DNAI1: variants seen among roughly 807,000 people sequenced by gnomAD.
DNAI1 encodes the protein dynein, axonemal, intermediate polypeptide 1.
A neutral mutation model predicts 92.0 loss-of-function variants in DNAI1; 67 were observed. The observed-to-expected ratio is 0.73, with a 90% CI of 0.60 to 0.89. The LOEUF (loss-of-function observed/expected upper bound fraction) is 0.89. DNAI1 is among the 40% of genes least tolerant of loss of function. The pLI is 0.00. For synonymous variants in DNAI1, 323 were observed against 319.6 expected, an observed-to-expected ratio of 1.01 and a Z score of -0.11; for missense variants, 839 against 866.6, an observed-to-expected ratio of 0.97 and a Z score of 0.40.
intron 18 of DNAI1, among the ~76,000 whole-genome samples, chr9:34,515,626 C>G (rs558890279): frequency 6.6e-6 from 1 of 152,340 alleles, no homozygotes; most frequent in East Asian, 1.9e-4. Flanking sequence ...AATATAGTCT[C>G]TCCTTGGGGA....
chr9:34,489,976 C>T (rs1824552087), intron 5 of DNAI1, 36 bp from the exon 6 acceptor site: 2 of 1,611,092 alleles, frequency 1.2e-6, no homozygotes, highest in Non-Finnish European at 1.7e-6. Context: ...GGAGAGCAGG[C>T]TTAGACTTTG....
chr9:34,512,415 C>T lies in DNAI1; in HGVS notation c.1480C>T (p.His494Tyr), dbSNP rs145995730. ...TTEVPEGLQL[H>Y]PVGCGTAFDF... is the part of the protein sequence containing the mutation. ...GGAAGTTCCTGAGGGGTTGCAGCTG[C>T]ACCCAGTGGGTAGGAGCCCCAGCCC... The change falls in exon 15 of 20, where the codon CAC becomes TAC. Residue 494 changes from histidine to tyrosine, a missense_variant. By Grantham distance (83) the His-to-Tyr change is moderately conservative. Coordinates refer to ENST00000242317, the MANE Select transcript of DNAI1 (RefSeq NM_012144.4). 1 of 1,614,042 alleles carries T rather than the reference C, an allele frequency of 6.2e-7. No homozygotes were observed. The highest frequency in any genetic ancestry group is 1.3e-5 in the African/African-American group (1 of 74,928).
intron 1 of DNAI1, among the ~76,000 whole-genome samples, chr9:34,467,739 C>T (rs537629696): frequency 6.6e-6 from 1 of 152,214 alleles, no homozygotes; most frequent in Non-Finnish European, 1.5e-5. Context: ...TGGACTTTCC[C>T]TCACACTGTA....
Position 34,497,137 on chromosome 9 carries a change from C to A in DNAI1, c.839C>A (p.Ser280Tyr). 6.2e-7 allele frequency: 1 copy of A among 1,614,054 alleles called. No individual in the cohort carries two copies. Among genetic ancestry groups the A allele is most frequent in the South Asian group, 1.1e-5 (1 of 91,076 alleles). Reference protein sequence around the residue: ...ESQTDDLIKLSQAAKIMERMV... With the variant: ...ESQTDDLIKLYQAAKIMERMV... ...CAGACTGATGATCTCATCAAATTGTCCCAAGCTGCTAAGATCATGGAGCGG... is the reference window on the plus strand; with the variant it reads ...CAGACTGATGATCTCATCAAATTGTACCAAGCTGCTAAGATCATGGAGCGG... Residue 280 changes from serine (S) to tyrosine (Y), a missense_variant, in exon 10 of 20, where the codon TCC becomes TAC. By Grantham distance (144) the Ser-to-Tyr change is moderately radical (BLOSUM62 -2). Coordinates refer to ENST00000242317, the MANE Select transcript of DNAI1 (RefSeq NM_012144.4).
At chr9:34,488,163 T>C in intron 4 of DNAI1, 1 of 256,788 alleles carries the variant, frequency 3.9e-6, no homozygotes, top group Non-Finnish European at 8.0e-6. Context: ...TTATTTTTAA[T>C]ACTTATAATT....
intron 1 of DNAI1, among the ~76,000 whole-genome samples, chr9:34,465,854 C>G (rs1278989183): frequency 6.6e-6 from 1 of 152,236 alleles, no homozygotes; most frequent in African/African-American, 2.4e-5. Context: ...TGAGCACTGA[C>G]AGAGTTGTAT....
In DNAI1 at chr9:34,459,163, C is replaced by T. The variant is rs1251720938; in HGVS notation, c.48+110C>T. 11 of 1,070,554 alleles carry T rather than the reference C, an allele frequency of 1.0e-5. No individual in the cohort carries two copies. In the South Asian group the frequency reaches 1.4e-4, roughly 14 times the overall value. The allele number at this position is 1,070,554 out of a possible 1,614,324, so 66.3% of individuals were successfully genotyped here. A position where few individuals can be genotyped will look rare whatever the true frequency, so the allele number is the denominator to read the frequency against. Reference sequence around the variant, plus strand: ...TGATCTTTTCTCTGTTGACCCCAGCCTTCTCACCCCCGTGACCTCTGGTAA... The same window carrying T: ...TGATCTTTTCTCTGTTGACCCCAGCTTTCTCACCCCCGTGACCTCTGGTAA... On this transcript the variant is annotated intron_variant, in intron 1 of 19. Coordinates refer to ENST00000242317, the MANE Select transcript of DNAI1 (RefSeq NM_012144.4).
At chr9:34,463,072 T>C (rs2132038345) in intron 1 of DNAI1, among the ~76,000 whole-genome samples, 1 of 152,158 alleles carries the variant, frequency 6.6e-6, no homozygotes, top group East Asian at 1.9e-4. Flanking sequence ...ATCATTTAAA[T>C]AGGATGGACA....
At chr9:34,517,985 TCTCCAATGATCAGGA>T (rs1825202939) in intron 19 of DNAI1, among the ~76,000 whole-genome samples, 1 of 151,984 alleles carries the variant, frequency 6.6e-6, no homozygotes, top group South Asian at 2.1e-4. Flanking sequence ...GTTTCTAGGG[TCTCCAATGATCAGGA>T]GACCCTGCCC....
intron 10 of DNAI1, among the ~76,000 whole-genome samples, chr9:34,498,238 T>C (rs1824763974): frequency 6.6e-6 from 1 of 152,222 alleles, no homozygotes; most frequent in African/African-American, 2.4e-5. Flanking sequence ...GTGTCAGGCA[T>C]TGTGCTATGC....
intron 1 of DNAI1, among the ~76,000 whole-genome samples, chr9:34,478,006 C>A (rs755262552): frequency 5.4e-5 from 8 of 149,514 alleles, no homozygotes; most frequent in Non-Finnish European, 1.2e-4. Context: ...CCTGCCTCAG[C>A]CACCTGAATA....
chr9:34,486,902 C>T (rs955849958), intron 4 of DNAI1, among the ~76,000 whole-genome samples: 2 of 152,220 alleles, frequency 1.3e-5, no homozygotes, highest in African/African-American at 4.8e-5. Flanking sequence ...ACTGGCTCGT[C>T]TCACTTAGCA....
chr9:34,501,839 C>T (rs1824837604), intron 12 of DNAI1, among the ~76,000 whole-genome samples: 1 of 152,210 alleles, frequency 6.6e-6, no homozygotes, highest in African/African-American at 2.4e-5. Context: ...GTGCCCGCCC[C>T]TGCCAGTTAC....
intron 19 of DNAI1, among the ~76,000 whole-genome samples, chr9:34,519,016 G>C (rs1261696979): frequency 6.6e-6 from 1 of 152,182 alleles, no homozygotes; most frequent in Non-Finnish European, 1.5e-5. Context: ...AGAAGGGTCA[G>C]TCATGGCTGG....
chr9:34,481,163 A>C (rs1056394263), intron 1 of DNAI1, among the ~76,000 whole-genome samples: 1 of 152,164 alleles, frequency 6.6e-6, no homozygotes, highest in African/African-American at 2.4e-5. Flanking sequence ...GAATCGCTTG[A>C]AACCAGAAGG....
At chr9:34,468,678 T>TG (rs1824084731) in intron 1 of DNAI1, among the ~76,000 whole-genome samples, 1 of 151,838 alleles carries the variant, frequency 6.6e-6, no homozygotes, top group African/African-American at 2.4e-5. Context: ...AATTTAAAAA[T>TG]TAGCCAGGCG....
At chr9:34,468,078 T>C (rs919503024) in intron 1 of DNAI1, among the ~76,000 whole-genome samples, 4 of 151,974 alleles carry the variant, frequency 2.6e-5, no homozygotes, top group Admixed American at 6.6e-5. Context: ...ATGGAAACAG[T>C]AGAAAAATAC....
intron 18 of DNAI1, among the ~76,000 whole-genome samples, chr9:34,515,712 TA>T (rs1025077694): frequency 1.3e-5 from 2 of 152,154 alleles, no homozygotes; most frequent in African/African-American, 4.8e-5. Flanking sequence ...ATGCTTAGCG[TA>T]AAAAGCCAGT....
chr9:34,480,422 T>C (rs1411556470), intron 1 of DNAI1, among the ~76,000 whole-genome samples: 1 of 151,688 alleles, frequency 6.6e-6, no homozygotes, highest in Non-Finnish European at 1.5e-5. Context: ...AGATTACAGG[T>C]GTGTGCCACC....
Sources: allele counts gnomAD v4.1 joint callset (sites outside exome capture counted in the v4.1 genomes callset), GRCh38; gene constraint gnomAD v4.1.1; transcripts MANE v1.5; gene names NCBI Gene and HGNC (gene_info 2026-07-23, HGNC 2026-07-21).